Variants in SLC4A10 observed in about 807,000 individuals in gnomAD.
The protein encoded by SLC4A10 is solute carrier family 4 member 10, also known as sodium-driven chloride bicarbonate exchanger.
Under a neutral mutation model 137.7 loss-of-function variants are expected in SLC4A10, and 42 were observed. The ratio of observed to expected loss-of-function variants is 0.30; its 90% CI spans 0.24 to 0.39. The LOEUF is 0.39. Ranked by LOEUF, SLC4A10 falls within the 10% of genes least tolerant of loss-of-function variation. SLC4A10 has a pLI of 1.00. For missense variants in SLC4A10, 925 were observed against 1,355.0 expected (o/e 0.68, Z 4.98); for synonymous variants, 474 against 464.1 (o/e 1.02, Z -0.27).
intron 24 of SLC4A10, among the ~76,000 whole-genome samples, chr2:161,975,568 G>C (rs1356505757): frequency 6.6e-6 from 1 of 152,050 alleles, no homozygotes; most frequent in African/African-American, 2.4e-5. Context: ...TGAATTACCA[G>C]GAAACTATCT....
chr2:161,856,565 A>G (rs1476202812), intron 5 of SLC4A10, among the ~76,000 whole-genome samples: 1 of 152,146 alleles, frequency 6.6e-6, no homozygotes, highest in Non-Finnish European at 1.5e-5. Flanking sequence ...GCACTAAATC[A>G]AGAGAAAATA....
intron 1 of SLC4A10, among the ~76,000 whole-genome samples, chr2:161,632,064 A>G (rs1029384748): frequency 6.6e-6 from 1 of 151,654 alleles, no homozygotes; most frequent in Non-Finnish European, 1.5e-5. Context: ...TCCAACATTT[A>G]TTTGTAACTC....
intron 6 of SLC4A10, among the ~76,000 whole-genome samples, chr2:161,864,642 A>G (rs541877785): frequency 2.0e-5 from 3 of 152,294 alleles, no homozygotes; most frequent in Admixed American, 6.5e-5. Flanking sequence ...CAATAAAATT[A>G]TTATGAATAC....
At chr2:161,808,726 G>A (rs556491123) in intron 3 of SLC4A10, among the ~76,000 whole-genome samples, 1 of 152,214 alleles carries the variant, frequency 6.6e-6, no homozygotes, top group African/African-American at 2.4e-5. Flanking sequence ...CTGCATTCAT[G>A]TTGCTGCAAA....
intron 8 of SLC4A10, among the ~76,000 whole-genome samples, chr2:161,878,845 A>T (rs1227286824): frequency 6.6e-6 from 1 of 152,162 alleles, no homozygotes. Context: ...GAACTCACAT[A>T]CTTTTCCCTG....
chr2:161,637,115 AT>A (rs2034556051), intron 1 of SLC4A10, among the ~76,000 whole-genome samples: 4 of 147,300 alleles, frequency 2.7e-5, no homozygotes, highest in East Asian at 2.0e-4. Flanking sequence ...ATTTATGTAT[AT>A]ATATCTATAT....
At chr2:161,826,646 G>A (rs2058040179) in intron 3 of SLC4A10, among the ~76,000 whole-genome samples, 2 of 152,170 alleles carry the variant, frequency 1.3e-5, no homozygotes, top group East Asian at 1.9e-4. Flanking sequence ...ATAATGCAAA[G>A]ATAGAAGTTT....
intron 1 of SLC4A10, among the ~76,000 whole-genome samples, chr2:161,690,367 A>G (rs965354098): frequency 1.7e-4 from 26 of 152,284 alleles, no homozygotes; most frequent in African/African-American, 6.3e-4. Context: ...TAGTTTAACC[A>G]TTGTGGAAGA....
chr2:161,637,181 A>G (rs959996303), intron 1 of SLC4A10, among the ~76,000 whole-genome samples: 1 of 149,734 alleles, frequency 6.7e-6, no homozygotes, highest in Non-Finnish European at 1.5e-5. Flanking sequence ...ATATATACAT[A>G]TATCTAGAGA....
intron 15 of SLC4A10, among the ~76,000 whole-genome samples, chr2:161,907,891 G>A (rs1455057910): frequency 6.6e-6 from 1 of 152,164 alleles, no homozygotes; most frequent in Non-Finnish European, 1.5e-5. Flanking sequence ...AAGAAACTAT[G>A]TAAAACAAAT....
intron 1 of SLC4A10, among the ~76,000 whole-genome samples, chr2:161,695,238 G>A (rs936695342): frequency 6.6e-6 from 1 of 151,916 alleles, no homozygotes; most frequent in Non-Finnish European, 1.5e-5. Context: ...TCTGTGCCAT[G>A]GACTGAAACT....
At chr2:161,672,556 G>A (rs2039854276) in intron 1 of SLC4A10, among the ~76,000 whole-genome samples, 1 of 151,526 alleles carries the variant, frequency 6.6e-6, no homozygotes, top group African/African-American at 2.4e-5. Context: ...CTGATTGACT[G>A]AATTATATCT....
At chr2:161,827,661 G>T (rs545674146) in intron 3 of SLC4A10, among the ~76,000 whole-genome samples, 1 of 152,108 alleles carries the variant, frequency 6.6e-6, no homozygotes, top group East Asian at 1.9e-4. Flanking sequence ...CGCCTCCTGG[G>T]TTCACACCAT....
At chr2:161,629,750 T>C (rs1307003607) in intron 1 of SLC4A10, among the ~76,000 whole-genome samples, 1 of 151,896 alleles carries the variant, frequency 6.6e-6, no homozygotes, top group Admixed American at 6.6e-5. Context: ...CTTTTTTACT[T>C]TCTTCATAGT....
intron 3 of SLC4A10, among the ~76,000 whole-genome samples, chr2:161,836,556 GAAAGAA>G (rs1559359202): frequency 5.2e-5 from 4 of 77,584 alleles, no homozygotes; most frequent in African/African-American, 1.8e-4. Flanking sequence ...AAGAAAGAAA[GAAAGAA>G]AGAAAGAAAG....
chr2:161,624,754 C>G (rs536759265), intron 1 of SLC4A10, among the ~76,000 whole-genome samples, 188 bp downstream of exon 1: 1 of 151,010 alleles, frequency 6.6e-6, no homozygotes, highest in Non-Finnish European at 1.5e-5. Flanking sequence ...GATTCTCCTC[C>G]CCCCCCCTTC....
At chr2:161,812,518 C>T (rs1344169779) in intron 3 of SLC4A10, among the ~76,000 whole-genome samples, 1 of 151,994 alleles carries the variant, frequency 6.6e-6, no homozygotes, top group Non-Finnish European at 1.5e-5. Flanking sequence ...GTTCCCTACC[C>T]TCCTTCCCAG....
chr2:161,920,277 G>T (rs1189846592), intron 15 of SLC4A10, among the ~76,000 whole-genome samples: 1 of 152,148 alleles, frequency 6.6e-6, no homozygotes, highest in African/African-American at 2.4e-5. Flanking sequence ...ACACCCCGGG[G>T]ACCTCATGAC....
At chr2:161,958,303 T>C (rs973315317) in intron 20 of SLC4A10, among the ~76,000 whole-genome samples, 184 bp from the exon 21 acceptor site, 2 of 152,190 alleles carry the variant, frequency 1.3e-5, no homozygotes, top group Non-Finnish European at 2.9e-5. Flanking sequence ...AGAGCTTAAG[T>C]AACTTACCTA....
Sources: gnomAD v4.1 joint callset for allele counts (sites outside exome capture counted in the v4.1 genomes callset) on GRCh38, gnomAD v4.1.1 for gene constraint, MANE v1.5 for transcripts, NCBI Gene and HGNC (gene_info 2026-07-23, HGNC 2026-07-21) for gene names.